The following LARGE1 variants were observed in gnomAD, a reference collection of about 807,000 sequenced individuals.
LARGE1 encodes xylosyl- and glucuronyltransferase LARGE1.
LARGE1 carries 43 observed loss-of-function variants against 87.6 expected under a neutral mutation model. The observed-to-expected ratio is 0.49, with a 90% CI of 0.38 to 0.63. LARGE1 has a LOEUF of 0.63. Among genes scored for constraint, LARGE1 ranks in the 30% least tolerant of loss-of-function variants. LARGE1 has a pLI of 0.00. For synonymous variants in LARGE1, 434 were observed against 394.6 expected (o/e 1.10, Z -1.18); for missense variants, 802 against 1,000.2 (o/e 0.80, Z 2.67).
At chr22:33,487,224 C>T (rs1023928442) in intron 6 of LARGE1, among the ~76,000 whole-genome samples, 4 of 152,198 alleles carry the variant, frequency 2.6e-5, no homozygotes, top group Admixed American at 1.3e-4. Flanking sequence ...CCTGTACCAT[C>T]AACAAGACAC....
At chr22:33,265,497 G>C (rs1476085136) in intron 11 of LARGE1, among the ~76,000 whole-genome samples, 1 of 152,046 alleles carries the variant, frequency 6.6e-6, no homozygotes, top group Non-Finnish European at 1.5e-5. Context: ...TTCCTTACTA[G>C]GTGTCATCTG....
chr22:33,519,901 A>G (rs2148498125), intron 6 of LARGE1, among the ~76,000 whole-genome samples: 2 of 148,922 alleles, frequency 1.3e-5, no homozygotes, highest in South Asian at 4.2e-4. Flanking sequence ...TTTAAGTAGC[A>G]TTTTCTTTTC....
chr22:33,839,729 C>G (rs980664718), intron 1 of LARGE1, among the ~76,000 whole-genome samples: 9 of 152,202 alleles, frequency 5.9e-5, no homozygotes, highest in Admixed American at 2.6e-4. Flanking sequence ...TAGAGACAGA[C>G]TGACTGCCTT....
At chr22:33,789,976 G>A (rs2085771554) in intron 1 of LARGE1, among the ~76,000 whole-genome samples, 1 of 152,114 alleles carries the variant, frequency 6.6e-6, no homozygotes, top group African/African-American at 2.4e-5. Flanking sequence ...GGCATAATTG[G>A]TTTTGAAATG....
intron 2 of LARGE1, among the ~76,000 whole-genome samples, chr22:33,692,271 G>A (rs1342351125): frequency 1.3e-5 from 2 of 152,198 alleles, no homozygotes; most frequent in East Asian, 3.9e-4. Context: ...CAGGGGCTAT[G>A]CATGCAGTAA....
At chr22:33,724,421 C>T (rs1213037611) in intron 2 of LARGE1, 2 of 152,394 alleles carry the variant, frequency 1.3e-5, no homozygotes, top group African/African-American at 2.4e-5. Flanking sequence ...ACTGATGATG[C>T]TATGGGGGTG....
At chr22:33,840,504 G>T (rs1285683410) in intron 1 of LARGE1, among the ~76,000 whole-genome samples, 1 of 152,050 alleles carries the variant, frequency 6.6e-6, no homozygotes, top group Non-Finnish European at 1.5e-5. Context: ...TTCTCACACA[G>T]TCAAAATTTG....
chr22:33,303,814 G>GT (rs1569032488), intron 12 of LARGE1, among the ~76,000 whole-genome samples: 1 of 151,368 alleles, frequency 6.6e-6, no homozygotes, highest in Non-Finnish European at 1.5e-5. Flanking sequence ...TAGTAGGGGG[G>GT]GGGTTTCACC....
chr22:33,239,122 A>C (rs1372591285), intron 11 of LARGE1, among the ~76,000 whole-genome samples: 3 of 150,076 alleles, frequency 2.0e-5, no homozygotes, highest in African/African-American at 7.4e-5. Flanking sequence ...AAAAAAAAAA[A>C]CCTCAACAGA....
At chr22:33,584,733 A>G (rs16992583) in intron 5 of LARGE1, among the ~76,000 whole-genome samples, 68,863 of 151,988 alleles carry the variant, frequency 0.45, 15,802 homozygotes, top group Middle Eastern at 0.53. Flanking sequence ...TGAAGGAAGC[A>G]GGACTTTCCC....
At chr22:33,479,204 C>T (rs1235194058) in intron 6 of LARGE1, among the ~76,000 whole-genome samples, 2 of 152,214 alleles carry the variant, frequency 1.3e-5, no homozygotes, top group Admixed American at 6.5e-5. Context: ...CCTGATGTTG[C>T]ATTTACTAGA....
At chr22:33,860,289 G>A (rs2063877298) in intron 1 of LARGE1, among the ~76,000 whole-genome samples, 1 of 152,068 alleles carries the variant, frequency 6.6e-6, no homozygotes, top group Non-Finnish European at 1.5e-5. Context: ...ACGATGCCTG[G>A]CCTTTTTTGA....
At position 33,561,858 on chromosome 22, in the gene LARGE1, G is replaced by A. The variant is rs550663488; in HGVS notation, c.787+2990C>T. ...GAGGCTTCTTCTGGTAGAGGCTGAG[G>A]ATGGGTCTAACTCCTGAAAAAGGCT... On this transcript the variant is annotated intron_variant, in intron 6 of 14. Coordinates refer to ENST00000397394, the MANE Select transcript of LARGE1 (RefSeq NM_133642.5). Among the ~76,000 whole-genome samples the A allele has an allele frequency of 1.3e-4, 20 of 152,288 alleles. No homozygotes were observed. In the South Asian group the frequency reaches 3.9e-3, roughly 30 times the overall value.
intron 1 of LARGE1, among the ~76,000 whole-genome samples, chr22:33,831,365 C>T (rs532219516): frequency 6.6e-5 from 10 of 152,186 alleles, no homozygotes; most frequent in African/African-American, 2.2e-4. Context: ...ATGCACCCCC[C>T]CTCTGCTTTG....
At chr22:33,499,648 A>G (rs1379401295) in intron 6 of LARGE1, among the ~76,000 whole-genome samples, 1 of 149,798 alleles carries the variant, frequency 6.7e-6, no homozygotes, top group African/African-American at 2.5e-5. Flanking sequence ...TCATTATTTA[A>G]CTCAATATGG....
chr22:33,814,945 C>T (rs2086606295), intron 1 of LARGE1, among the ~76,000 whole-genome samples: 1 of 152,216 alleles, frequency 6.6e-6, no homozygotes, highest in Non-Finnish European at 1.5e-5. Context: ...AAGGAACACA[C>T]AGACATTAAA....
At position 33,779,797 on chromosome 22, in the gene LARGE1, A is replaced by T. The variant is rs567924342; in HGVS notation, c.-82-18239T>A. On this transcript the variant is annotated intron_variant, in intron 1 of 14. Transcript: ENST00000397394. Reference sequence around the variant, plus strand: ...GCAAAACTCTTGTTTCAAAAAAATTAAAAAAAAATTAAAAAAAGAAGAACT... The same window carrying T: ...GCAAAACTCTTGTTTCAAAAAAATTTAAAAAAAATTAAAAAAAGAAGAACT... Among the ~76,000 whole-genome samples, 65 of 83,108 alleles carry T rather than the reference A, an allele frequency of 7.8e-4. No homozygotes were observed. In the East Asian group the frequency reaches 0.014, roughly 18 times the overall value. The allele number at this position is 83,108 out of a possible 152,430, so 54.5% of individuals were successfully genotyped here.
the LARGE1 span, among the ~76,000 whole-genome samples, chr22:33,101,100 C>T: frequency 2.0e-5 from 3 of 152,294 alleles, no homozygotes; most frequent in African/African-American, 7.2e-5. Context: ...CTGCCTCAGC[C>T]TCCCAAAGTG....
At chr22:33,818,887 T>G (rs1243576329) in intron 1 of LARGE1, among the ~76,000 whole-genome samples, 2 of 152,132 alleles carry the variant, frequency 1.3e-5, no homozygotes, top group East Asian at 3.9e-4. Flanking sequence ...TACACTGTGG[T>G]CTCCCTTGGG....
Sources: gnomAD v4.1 joint callset for allele counts (sites outside exome capture counted in the v4.1 genomes callset) on GRCh38, gnomAD v4.1.1 for gene constraint, MANE v1.5 for transcripts, NCBI Gene and HGNC (gene_info 2026-07-23, HGNC 2026-07-21) for gene names.